The following SAMD5 variants were observed in gnomAD, a reference collection of about 807,000 sequenced individuals.
The protein encoded by SAMD5 is sterile alpha motif domain containing 5.
A neutral mutation model predicts 11.3 loss-of-function variants in SAMD5; 13 were observed. The observed-to-expected ratio is 1.15, with a 90% CI of 0.75 to 1.83. The LOEUF is 1.83. SAMD5 is among the 40% of genes most tolerant of loss of function. The pLI is 0.00. For missense variants in SAMD5, 255 were observed against 239.1 expected, an observed-to-expected ratio of 1.07 and a Z score of -0.44; for synonymous variants, 129 against 111.3, an observed-to-expected ratio of 1.16 and a Z score of -1.00.
the SAMD5 span, among the ~76,000 whole-genome samples, chr6:147,906,620 T>A: frequency 6.6e-6 from 1 of 152,164 alleles, no homozygotes; most frequent in Non-Finnish European, 1.5e-5. Context: ...GGAAGAGGCA[T>A]GGGTAGGATA....
the SAMD5 span, among the ~76,000 whole-genome samples, chr6:147,765,840 G>A: frequency 6.6e-6 from 1 of 152,172 alleles, no homozygotes; most frequent in Admixed American, 6.5e-5. Flanking sequence ...GTTGAAGGCT[G>A]AAGTGAGATC....
At chr6:147,808,412 C>T in the SAMD5 span, among the ~76,000 whole-genome samples, 32 of 152,094 alleles carry the variant, frequency 2.1e-4, no homozygotes, top group African/African-American at 7.7e-4. Flanking sequence ...CTATGTTGCC[C>T]AGGCTGTTCT....
chr6:147,865,659 T>A, the SAMD5 span, among the ~76,000 whole-genome samples: 1 of 152,036 alleles, frequency 6.6e-6, no homozygotes, highest in Admixed American at 6.6e-5. Context: ...TGAATAAGGG[T>A]TTTTCTTGGG....
chr6:147,879,583 C>A, the SAMD5 span, among the ~76,000 whole-genome samples: 7 of 152,242 alleles, frequency 4.6e-5, no homozygotes, highest in African/African-American at 1.7e-4. Context: ...TCATGGATTG[C>A]CCTTATAGTT....
chr6:147,572,597 T>C (rs544197790), downstream of SAMD5, among the ~76,000 whole-genome samples: 321 of 152,202 alleles, frequency 2.1e-3, 4 homozygotes, highest in African/African-American at 7.4e-3. Context: ...CACCTCAGAC[T>C]CCCAATGTTG....
At chr6:147,759,298 T>C in the SAMD5 span, among the ~76,000 whole-genome samples, 136,701 of 152,156 alleles carry the variant, frequency 0.9, 61,682 homozygotes, top group East Asian at 1. Flanking sequence ...TGTATTGCGT[T>C]ACCATCTGTC....
intron 1 of SAMD5, among the ~76,000 whole-genome samples, chr6:147,644,644 G>A (rs1790370240): frequency 6.6e-6 from 1 of 152,136 alleles, no homozygotes; most frequent in Admixed American, 6.5e-5. Context: ...ATTTTTTGGA[G>A]AAATATTATC....
chr6:147,789,687 C>T, the SAMD5 span, among the ~76,000 whole-genome samples: 2 of 152,196 alleles, frequency 1.3e-5, no homozygotes, highest in African/African-American at 2.4e-5. Flanking sequence ...AGGATCTCAC[C>T]CAGGACGCCA....
chr6:147,644,465 T>C (rs536255825), intron 1 of SAMD5, among the ~76,000 whole-genome samples: 7 of 152,350 alleles, frequency 4.6e-5, no homozygotes, highest in African/African-American at 9.6e-5. Context: ...TGTTTCTCTA[T>C]ATATTGATCT....
the SAMD5 span, among the ~76,000 whole-genome samples, chr6:147,801,386 T>C: frequency 6.6e-6 from 1 of 152,098 alleles, no homozygotes; most frequent in African/African-American, 2.4e-5. Context: ...GAGTTCATGT[T>C]CAGTGGTAGA....
the SAMD5 span, among the ~76,000 whole-genome samples, chr6:147,894,952 T>C: frequency 6.6e-6 from 1 of 152,244 alleles, no homozygotes; most frequent in Non-Finnish European, 1.5e-5. Flanking sequence ...ATAGGAAGTA[T>C]TAGCATATCA....
intron 1 of SAMD5, among the ~76,000 whole-genome samples, chr6:147,623,224 G>T (rs1378037165): frequency 2.0e-5 from 3 of 152,194 alleles, no homozygotes; most frequent in Admixed American, 6.5e-5. Context: ...ATCAAGAGGG[G>T]TCCTCATGAG....
chr6:147,733,418 G>A (rs1230322180), intron 1 of SAMD5, among the ~76,000 whole-genome samples: 2 of 152,118 alleles, frequency 1.3e-5, no homozygotes, highest in African/African-American at 2.4e-5. Flanking sequence ...TCTGCACGGA[G>A]TACAGGTTTG....
the SAMD5 span, among the ~76,000 whole-genome samples, chr6:147,795,007 T>G: frequency 6.6e-6 from 1 of 152,086 alleles, no homozygotes; most frequent in Admixed American, 6.6e-5. Context: ...ACCAGAAATC[T>G]GTTAATGGGA....
At chr6:147,588,704 C>T (rs1789411048) in intron 1 of SAMD5, among the ~76,000 whole-genome samples, 1 of 151,976 alleles carries the variant, frequency 6.6e-6, no homozygotes, top group South Asian at 2.1e-4. Context: ...TTTGAAATAG[C>T]TTTTGGAAGA....
chr6:147,817,983 G>T, the SAMD5 span, among the ~76,000 whole-genome samples: 2 of 152,180 alleles, frequency 1.3e-5, no homozygotes, highest in African/African-American at 4.8e-5. Context: ...TCAGCGAAAA[G>T]AAATCTTTAT....
the SAMD5 span, among the ~76,000 whole-genome samples, chr6:147,891,216 G>A: frequency 6.6e-6 from 1 of 152,148 alleles, no homozygotes; most frequent in Non-Finnish European, 1.5e-5. Flanking sequence ...CAGTTAGAGG[G>A]AGAATTGCAT....
the SAMD5 span, among the ~76,000 whole-genome samples, chr6:147,756,699 C>A: frequency 3.3e-5 from 5 of 152,192 alleles, no homozygotes; most frequent in Non-Finnish European, 7.4e-5. Context: ...TCCTTATCAA[C>A]CCTGCGCTCG....
the SAMD5 span, among the ~76,000 whole-genome samples, chr6:147,772,924 G>A: frequency 5.9e-5 from 9 of 152,188 alleles, no homozygotes; most frequent in African/African-American, 2.2e-4. Flanking sequence ...GACATAGGCA[G>A]TAAGTAAGCA....
Sources: gnomAD v4.1 joint callset for allele counts (sites outside exome capture counted in the v4.1 genomes callset) on GRCh38, gnomAD v4.1.1 for gene constraint, MANE v1.5 for transcripts, NCBI Gene and HGNC (gene_info 2026-07-23, HGNC 2026-07-21) for gene names.